Variants in RANBP2 observed in about 807,000 individuals in gnomAD.
The protein encoded by RANBP2 is RAN binding protein 2, also known as E3 SUMO-protein ligase RanBP2.
In RANBP2, 57 loss-of-function variants were observed where a neutral mutation model predicts 303.6. The ratio of observed to expected loss-of-function variants is 0.19; its 90% CI spans 0.15 to 0.23. The LOEUF (loss-of-function observed/expected upper bound fraction) is 0.23. Among genes scored for constraint, RANBP2 ranks in the 10% least tolerant of loss-of-function variants. RANBP2 has a pLI of 1.00. For missense variants in RANBP2, 3,138 were observed against 3,780.8 expected (o/e 0.83, Z 4.46); for synonymous variants, 1,167 against 1,301.5 (o/e 0.90, Z 2.23).
the RANBP2 span, among the ~76,000 whole-genome samples, chr2:109,185,983 C>G: frequency 1.2e-4 from 18 of 152,208 alleles, no homozygotes; most frequent in Admixed American, 2.0e-4. Flanking sequence ...TTGGCTGTCA[C>G]GAGCACATTT....
the RANBP2 span, chr2:109,501,901 C>A: frequency 1.4e-5 from 7 of 504,666 alleles, no homozygotes; most frequent in South Asian, 1.9e-4. Flanking sequence ...ATGCCCACCC[C>A]CTCTGTGGAA....
At chr2:108,776,660 A>C (rs903117157) in intron 24 of RANBP2, among the ~76,000 whole-genome samples, 5 of 152,206 alleles carry the variant, frequency 3.3e-5, no homozygotes, top group African/African-American at 1.2e-4. Flanking sequence ...ATGCAGCTTC[A>C]CATTAGCAGA....
chr2:109,002,386 T>C, the RANBP2 span, among the ~76,000 whole-genome samples: 427 of 152,286 alleles, frequency 2.8e-3, 3 homozygotes, highest in Admixed American at 0.019. Context: ...ACTCACTATG[T>C]CTCCCTTGAA....
At chr2:109,496,097 C>A in the RANBP2 span, among the ~76,000 whole-genome samples, 1 of 152,106 alleles carries the variant, frequency 6.6e-6, no homozygotes. Flanking sequence ...TATTTGTCCC[C>A]TCCCATGTTC....
At chr2:108,734,943 G>C (rs1695453508) in intron 4 of RANBP2, among the ~76,000 whole-genome samples, 1 of 152,142 alleles carries the variant, frequency 6.6e-6, no homozygotes, top group Non-Finnish European at 1.5e-5. Context: ...TGTGGTCCTA[G>C]CTTCTTGAGA....
chr2:109,317,367 G>C, the RANBP2 span, among the ~76,000 whole-genome samples: 1 of 152,060 alleles, frequency 6.6e-6, no homozygotes, highest in Non-Finnish European at 1.5e-5. Flanking sequence ...AGCCCCAGGG[G>C]GTGGAGGAGA....
At chr2:108,841,843 T>C in the RANBP2 span, among the ~76,000 whole-genome samples, 1 of 152,170 alleles carries the variant, frequency 6.6e-6, no homozygotes, top group Non-Finnish European at 1.5e-5. Context: ...TGCTTTCTTA[T>C]GGGTTACTTG....
chr2:109,078,247 GTATATATATATATATAGCGCGTATATA>G, the RANBP2 span, among the ~76,000 whole-genome samples: 4 of 56,406 alleles, frequency 7.1e-5, no homozygotes, highest in South Asian at 1.0e-3. Flanking sequence ...TATATAGCGT[GTATATATATATATATAGCGCGTATATA>G]TATATATATA....
chr2:109,735,171 C>A, the RANBP2 span, among the ~76,000 whole-genome samples: 1 of 152,264 alleles, frequency 6.6e-6, no homozygotes, highest in East Asian at 1.9e-4. Context: ...ACCTCCCTGC[C>A]TTTCCTAGCC....
chr2:108,931,912 C>T, the RANBP2 span, among the ~76,000 whole-genome samples: 1 of 152,126 alleles, frequency 6.6e-6, no homozygotes, highest in African/African-American at 2.4e-5. Context: ...CACAACAAAA[C>T]AGCAAGTACT....
At chr2:109,316,735 T>C in the RANBP2 span, among the ~76,000 whole-genome samples, 1 of 152,314 alleles carries the variant, frequency 6.6e-6, no homozygotes, top group East Asian at 1.9e-4. Flanking sequence ...TATAATGCGA[T>C]GTATCCACCA....
At chr2:108,752,072 T>G in intron 12 of RANBP2, 78 bp downstream of exon 12, 1 of 1,601,356 alleles carries the variant, frequency 6.2e-7, no homozygotes. Flanking sequence ...TTGAAAGTTT[T>G]TTTGTTCTGA....
chr2:109,262,526 C>T, the RANBP2 span, among the ~76,000 whole-genome samples: 9 of 152,196 alleles, frequency 5.9e-5, no homozygotes, highest in Non-Finnish European at 1.0e-4. Context: ...CCTTTCCTTG[C>T]GGCCTCATCC....
At chr2:109,490,724 C>T in the RANBP2 span, 2 of 1,535,586 alleles carry the variant, frequency 1.3e-6, no homozygotes, top group South Asian at 1.2e-5. Context: ...ACGCCCTGCT[C>T]CAAGGTGCAG....
At chr2:109,466,062 A>G in the RANBP2 span, among the ~76,000 whole-genome samples, 16 of 140,202 alleles carry the variant, frequency 1.1e-4, no homozygotes, top group African/African-American at 2.6e-4. Flanking sequence ...CTTATCTGCT[A>G]CCTGTACATC....
the RANBP2 span, among the ~76,000 whole-genome samples, chr2:109,216,642 C>T: frequency 1.3e-5 from 2 of 152,234 alleles, no homozygotes; most frequent in African/African-American, 2.4e-5. Context: ...GGGTGCCCAC[C>T]CTGCATGCTC....
the RANBP2 span, among the ~76,000 whole-genome samples, chr2:108,830,972 C>T: frequency 6.6e-6 from 1 of 152,064 alleles, no homozygotes; most frequent in Non-Finnish European, 1.5e-5. Context: ...GCCAGGAGTT[C>T]AAGACCAGCC....
chr2:108,853,899 ATTATATATT>A, the RANBP2 span, among the ~76,000 whole-genome samples: 1 of 120,164 alleles, frequency 8.3e-6, no homozygotes, highest in Non-Finnish European at 1.6e-5. Context: ...TAGTATATAT[ATTATATATT>A]ATATAGTATA....
At chr2:109,318,825 G>C in the RANBP2 span, among the ~76,000 whole-genome samples, 1 of 152,242 alleles carries the variant, frequency 6.6e-6, no homozygotes, top group Non-Finnish European at 1.5e-5. Flanking sequence ...TCCACTCAGA[G>C]GCAGACATTG....
Sources: allele counts gnomAD v4.1 joint callset (sites outside exome capture counted in the v4.1 genomes callset), GRCh38; gene constraint gnomAD v4.1.1; transcripts MANE v1.5; gene names NCBI Gene and HGNC (gene_info 2026-07-23, HGNC 2026-07-21).